RAPGEF5: variants seen among roughly 807,000 people sequenced by gnomAD.
RAPGEF5 encodes Rap guanine nucleotide exchange factor 5.
RAPGEF5 carries 65 observed loss-of-function variants against 125.2 expected under a neutral mutation model. That is an observed-to-expected ratio of 0.52 (90% CI 0.43 to 0.64). The LOEUF (loss-of-function observed/expected upper bound fraction) is 0.64, where lower values mean the gene tolerates loss of function less well. Among genes scored for constraint, RAPGEF5 ranks in the 30% least tolerant of loss-of-function variants. The pLI, the probability that RAPGEF5 is intolerant of heterozygous loss-of-function variation, is 0.00. For synonymous variants in RAPGEF5, 391 were observed against 385.9 expected, an observed-to-expected ratio of 1.01 and a Z score of -0.16; for missense variants, 958 against 1,048.1, an observed-to-expected ratio of 0.91 and a Z score of 1.19.
intron 1 of RAPGEF5, among the ~76,000 whole-genome samples, chr7:22,327,109 T>C (rs936585120): frequency 2.0e-5 from 3 of 152,222 alleles, no homozygotes; most frequent in Admixed American, 1.3e-4. Flanking sequence ...GGACAATGCT[T>C]GACTCCAGAA....
At chr7:22,180,916 C>A (rs1583455180) in intron 11 of RAPGEF5, among the ~76,000 whole-genome samples, 1 of 152,138 alleles carries the variant, frequency 6.6e-6, no homozygotes, top group African/African-American at 2.4e-5. Context: ...TCAAACAGTG[C>A]AAATTGTCAT....
At chr7:22,263,250 A>G (rs2528912) in intron 7 of RAPGEF5, among the ~76,000 whole-genome samples, 63,626 of 152,010 alleles carry the variant, frequency 0.42, 14,344 homozygotes, top group East Asian at 0.73. Context: ...TTGTGATACC[A>G]TACTGTAGTT....
intron 11 of RAPGEF5, among the ~76,000 whole-genome samples, chr7:22,177,377 C>A (rs1195914763): frequency 6.6e-6 from 1 of 152,174 alleles, no homozygotes; most frequent in Non-Finnish European, 1.5e-5. Context: ...TGCTGAAGTT[C>A]CTTTATTCCT....
intron 7 of RAPGEF5, among the ~76,000 whole-genome samples, chr7:22,262,640 G>C (rs1782184860): frequency 6.6e-6 from 1 of 152,206 alleles, no homozygotes; most frequent in Non-Finnish European, 1.5e-5. Flanking sequence ...AATGTTTGTA[G>C]TAGCTTCATT....
intron 11 of RAPGEF5, among the ~76,000 whole-genome samples, chr7:22,179,607 G>A (rs1421394108): frequency 2.0e-5 from 3 of 152,090 alleles, no homozygotes; most frequent in Non-Finnish European, 4.4e-5. Flanking sequence ...TAAACCACAG[G>A]GTGAGATAGT....
intron 9 of RAPGEF5, among the ~76,000 whole-genome samples, chr7:22,215,336 A>C (rs1337865950): frequency 1.3e-5 from 2 of 152,194 alleles, no homozygotes; most frequent in Non-Finnish European, 2.9e-5. Flanking sequence ...TGGATTCTTT[A>C]AATCCAACCC....
At chr7:22,178,656 C>T (rs1784583219) in intron 11 of RAPGEF5, among the ~76,000 whole-genome samples, 1 of 152,180 alleles carries the variant, frequency 6.6e-6, no homozygotes, top group Non-Finnish European at 1.5e-5. Flanking sequence ...GCACAGAAGC[C>T]TCTGTTTCCG....
intron 7 of RAPGEF5, among the ~76,000 whole-genome samples, chr7:22,237,283 A>G (rs928509132): frequency 5.9e-5 from 9 of 151,866 alleles, no homozygotes; most frequent in Admixed American, 1.3e-4. Flanking sequence ...GTTCTTCGAG[A>G]GGACAGAGTA....
chr7:22,227,659 G>T (rs1002177503), intron 8 of RAPGEF5, among the ~76,000 whole-genome samples: 1 of 152,042 alleles, frequency 6.6e-6, no homozygotes, highest in Non-Finnish European at 1.5e-5. Context: ...GGGCAACATA[G>T]CAAAACCACA....
At chr7:22,277,060 T>G (rs560910612) in intron 6 of RAPGEF5, among the ~76,000 whole-genome samples, 1 of 152,336 alleles carries the variant, frequency 6.6e-6, no homozygotes, top group African/African-American at 2.4e-5. Context: ...CCATTGCAAC[T>G]AGAATAAAAG....
At chr7:22,153,139 C>G (rs953584154) in intron 17 of RAPGEF5, among the ~76,000 whole-genome samples, 6 of 152,162 alleles carry the variant, frequency 3.9e-5, no homozygotes, top group African/African-American at 1.4e-4. Context: ...CTGCAGAGTT[C>G]ATTCAGCTCT....
chr7:22,123,992 G>A (rs1016332269), intron 25 of RAPGEF5, among the ~76,000 whole-genome samples: 5 of 152,220 alleles, frequency 3.3e-5, no homozygotes, highest in Non-Finnish European at 7.4e-5. Context: ...AAATGAATTC[G>A]GATAATTCAG....
intron 1 of RAPGEF5, among the ~76,000 whole-genome samples, chr7:22,320,783 C>T (rs1034041749): frequency 3.2e-4 from 49 of 152,134 alleles, no homozygotes; most frequent in African/African-American, 1.0e-3. Context: ...GAAACACACA[C>T]GGACAAGATA....
intron 7 of RAPGEF5, among the ~76,000 whole-genome samples, chr7:22,235,188 G>A (rs559442062): frequency 2.6e-5 from 4 of 152,186 alleles, no homozygotes; most frequent in African/African-American, 9.7e-5. Context: ...CTAAAGTTTT[G>A]TCAGTAATAT....
intron 18 of RAPGEF5, among the ~76,000 whole-genome samples, chr7:22,148,299 C>T (rs970161886): frequency 6.6e-6 from 1 of 152,192 alleles, no homozygotes; most frequent in Non-Finnish European, 1.5e-5. Flanking sequence ...GGCTCTTTGT[C>T]CCCATTTTCT....
chr7:22,186,987 C>G (rs1784843888), intron 11 of RAPGEF5, among the ~76,000 whole-genome samples: 1 of 152,156 alleles, frequency 6.6e-6, no homozygotes, highest in Non-Finnish European at 1.5e-5. Context: ...TCCCATTGGA[C>G]AAGGTTATAT....
intron 5 of RAPGEF5, among the ~76,000 whole-genome samples, chr7:22,303,182 C>G (rs7796489): frequency 0.24 from 35,880 of 152,076 alleles, 4,363 homozygotes; most frequent in Non-Finnish European, 0.26. Context: ...ATTCCTCACC[C>G]ATTCTTCCTC....
At chr7:22,293,408 G>C (rs1036338889) in intron 5 of RAPGEF5, among the ~76,000 whole-genome samples, 7 of 152,110 alleles carry the variant, frequency 4.6e-5, no homozygotes, top group African/African-American at 1.7e-4. Flanking sequence ...TCCGGCCTTT[G>C]GGAAGTCACC....
chr7:22,186,395 A>C (rs879255986), intron 11 of RAPGEF5, among the ~76,000 whole-genome samples: 1 of 152,242 alleles, frequency 6.6e-6, no homozygotes, highest in Non-Finnish European at 1.5e-5. Flanking sequence ...TAATTCTTAA[A>C]ATACTTTAAA....
Sources: allele counts gnomAD v4.1 joint callset (sites outside exome capture counted in the v4.1 genomes callset), GRCh38; gene constraint gnomAD v4.1.1; transcripts MANE v1.5; gene names NCBI Gene and HGNC (gene_info 2026-07-23, HGNC 2026-07-21).